ANKRD44: variants seen among roughly 807,000 people sequenced by gnomAD.
The protein encoded by ANKRD44 is serine/threonine-protein phosphatase 6 regulatory ankyrin repeat subunit B.
Under a neutral mutation model 116.0 loss-of-function variants are expected in ANKRD44, and 35 were observed. That is an observed-to-expected ratio of 0.30 (90% confidence interval 0.23 to 0.40). The LOEUF (loss-of-function observed/expected upper bound fraction) is 0.40. Ranked by LOEUF, ANKRD44 falls within the 10% of genes least tolerant of loss-of-function variation. The pLI is 1.00. For missense variants in ANKRD44, 1,014 were observed against 1,242.6 expected, an observed-to-expected ratio of 0.82 and a Z score of 2.77; for synonymous variants, 435 against 461.8, an observed-to-expected ratio of 0.94 and a Z score of 0.74.
chr2:197,278,084 A>C (rs2083144131), intron 1 of ANKRD44, among the ~76,000 whole-genome samples: 1 of 152,218 alleles, frequency 6.6e-6, no homozygotes. Context: ...AGCATCTCCC[A>C]AGGCAGCAAA....
chr2:196,975,821 GAAA>G (rs1250501613), intron 21 of ANKRD44, among the ~76,000 whole-genome samples: 5 of 140,856 alleles, frequency 3.5e-5, no homozygotes, highest in Non-Finnish European at 6.2e-5. Flanking sequence ...AAGAAAGAAA[GAAA>G]GAAAGAAAGA....
chr2:197,019,832 C>T (rs1350526651), intron 17 of ANKRD44, among the ~76,000 whole-genome samples: 8 of 150,590 alleles, frequency 5.3e-5, no homozygotes, highest in African/African-American at 9.8e-5. Context: ...AGTCTCATTC[C>T]GTCGCCCAGG....
chr2:197,097,722 C>T (rs548433357), intron 10 of ANKRD44, among the ~76,000 whole-genome samples: 7 of 152,272 alleles, frequency 4.6e-5, no homozygotes, highest in East Asian at 1.9e-4. Context: ...ACGTCTGGAC[C>T]GCCTGCAGTA....
intron 1 of ANKRD44, among the ~76,000 whole-genome samples, chr2:197,243,649 T>C (rs1528408): frequency 0.15 from 23,090 of 152,240 alleles, 2,159 homozygotes; most frequent in African/African-American, 0.27. Flanking sequence ...AAGTCCAAGA[T>C]CAAGGTGCCA....
At chr2:197,286,937 G>A (rs913292716) in intron 1 of ANKRD44, among the ~76,000 whole-genome samples, 2 of 152,184 alleles carry the variant, frequency 1.3e-5, no homozygotes, top group East Asian at 1.9e-4. Context: ...CCAGGGGTTA[G>A]GGGGTAAGCA....
intron 1 of ANKRD44, among the ~76,000 whole-genome samples, chr2:197,210,787 G>C (rs1372002494): frequency 1.3e-5 from 2 of 152,156 alleles, no homozygotes; most frequent in Non-Finnish European, 2.9e-5. Flanking sequence ...AGCTTCAAAG[G>C]GGGTCAGAAA....
At chr2:197,138,244 C>T (rs2079267538) in intron 3 of ANKRD44, among the ~76,000 whole-genome samples, 1 of 152,224 alleles carries the variant, frequency 6.6e-6, no homozygotes, top group South Asian at 2.1e-4. Flanking sequence ...ATGTCTCATT[C>T]ACCTCTAAAT....
At chr2:197,037,302 T>C (rs950909934) in intron 16 of ANKRD44, among the ~76,000 whole-genome samples, 1 of 152,252 alleles carries the variant, frequency 6.6e-6, no homozygotes, top group African/African-American at 2.4e-5. Flanking sequence ...CCTTTAGCTA[T>C]ATTCTGCACC....
intron 2 of ANKRD44, among the ~76,000 whole-genome samples, chr2:197,167,727 C>T (rs1160029664): frequency 2.0e-5 from 3 of 152,186 alleles, no homozygotes; most frequent in African/African-American, 7.2e-5. Context: ...CTTCACCTCC[C>T]GTGGCTGGGC....
intron 2 of ANKRD44, among the ~76,000 whole-genome samples, chr2:197,168,020 C>G (rs2080138079): frequency 6.6e-6 from 1 of 152,216 alleles, no homozygotes; most frequent in African/African-American, 2.4e-5. Context: ...TTGAGCCGCC[C>G]TGTCACAAGT....
chr2:196,969,777 C>T (rs2075702109), intron 21 of ANKRD44, among the ~76,000 whole-genome samples: 1 of 152,160 alleles, frequency 6.6e-6, no homozygotes, highest in South Asian at 2.1e-4. Flanking sequence ...GTAAATCAAT[C>T]ATTCTATTTA....
intron 1 of ANKRD44, among the ~76,000 whole-genome samples, chr2:197,276,238 G>A (rs893276489): frequency 5.9e-5 from 8 of 136,164 alleles, no homozygotes; most frequent in Non-Finnish European, 7.6e-5. Flanking sequence ...TCATGCCACC[G>A]CACTCCAGCA....
chr2:197,307,297 G>A (rs963363979), intron 1 of ANKRD44, among the ~76,000 whole-genome samples: 3 of 152,158 alleles, frequency 2.0e-5, no homozygotes, highest in Non-Finnish European at 4.4e-5. Context: ...AGTTGAGGAT[G>A]TTCTATGTTA....
At chr2:197,236,883 C>G (rs143488246) in intron 1 of ANKRD44, among the ~76,000 whole-genome samples, 5 of 152,248 alleles carry the variant, frequency 3.3e-5, no homozygotes, top group Admixed American at 6.5e-5. Flanking sequence ...TTAGCTTACT[C>G]CCACAGAAGT....
At position 197,076,626 on chromosome 2, in the gene ANKRD44, G is replaced by C. The variant is rs192864085; in HGVS notation, c.1650+2077C>G. Among the ~76,000 whole-genome samples, 207 of 152,096 alleles carry C rather than the reference G, an allele frequency of 1.4e-3. 1 individual carries two copies. The highest frequency in any genetic ancestry group is 4.8e-3 in the South Asian group (23 of 4,800). Reference sequence around the variant, plus strand: ...CAGGTACTAAGCCTTTTACCAAATAGTTATTTTTTCTTATTTTCTCCCTCC... The same window carrying C: ...CAGGTACTAAGCCTTTTACCAAATACTTATTTTTTCTTATTTTCTCCCTCC... On this transcript the variant is annotated intron_variant, in intron 16 of 27. Transcript: ENST00000282272.
chr2:197,063,254 A>G (rs1485143166), intron 16 of ANKRD44, among the ~76,000 whole-genome samples: 5 of 152,228 alleles, frequency 3.3e-5, no homozygotes, highest in African/African-American at 1.2e-4. Context: ...TGACTGTTAG[A>G]AGGAAAACTA....
chr2:197,091,777 CTAA>C (rs1189835203), intron 10 of ANKRD44, among the ~76,000 whole-genome samples: 2 of 152,154 alleles, frequency 1.3e-5, no homozygotes, highest in Non-Finnish European at 2.9e-5. Flanking sequence ...AGAATAAAAA[CTAA>C]TGTTTGCCTT....
chr2:197,224,208 A>G (rs2081648620), intron 1 of ANKRD44, among the ~76,000 whole-genome samples: 1 of 152,214 alleles, frequency 6.6e-6, no homozygotes, highest in Non-Finnish European at 1.5e-5. Context: ...GTGGCCCTCC[A>G]TGGCTCAAAT....
At chr2:196,999,128 A>G in intron 23 of ANKRD44, 76 bp from the exon 24 acceptor site, 1 of 1,525,920 alleles carries the variant, frequency 6.6e-7, no homozygotes, top group South Asian at 1.2e-5. Flanking sequence ...AGAAACATGC[A>G]CAAGGTGTTG....
Sources: gnomAD v4.1 joint callset for allele counts (sites outside exome capture counted in the v4.1 genomes callset) on GRCh38, gnomAD v4.1.1 for gene constraint, MANE v1.5 for transcripts, NCBI Gene and HGNC (gene_info 2026-07-23, HGNC 2026-07-21) for gene names.